TMEM132D: variants seen among roughly 807,000 people sequenced by gnomAD.
The protein encoded by TMEM132D is mature OL transmembrane protein.
TMEM132D carries 21 observed loss-of-function variants against 62.3 expected under a neutral mutation model. The ratio of observed to expected loss-of-function variants is 0.34; its 90% CI spans 0.24 to 0.49. TMEM132D has a LOEUF of 0.49. Ranked by LOEUF, TMEM132D falls within the 20% of genes least tolerant of loss-of-function variation. The pLI, the probability that TMEM132D is intolerant of heterozygous loss-of-function variation, is 0.99. For synonymous variants in TMEM132D, 621 were observed against 575.6 expected (o/e 1.08, Z -1.13); for missense variants, 1,346 against 1,402.8 (o/e 0.96, Z 0.65).
At chr12:129,538,383 CAT>C (rs1329515555) in intron 2 of TMEM132D, among the ~76,000 whole-genome samples, 1 of 152,076 alleles carries the variant, frequency 6.6e-6, no homozygotes, top group Non-Finnish European at 1.5e-5. Context: ...AGGCTTTATT[CAT>C]ATAGAGTATG....
intron 2 of TMEM132D, among the ~76,000 whole-genome samples, chr12:129,694,808 A>C (rs1156940515): frequency 6.6e-6 from 1 of 152,210 alleles, no homozygotes; most frequent in African/African-American, 2.4e-5. Flanking sequence ...GGAGATCGAG[A>C]CCATCCTGGC....
chr12:129,580,158 A>C (rs1164623576), intron 2 of TMEM132D, among the ~76,000 whole-genome samples: 11 of 152,184 alleles, frequency 7.2e-5, no homozygotes, highest in Admixed American at 6.5e-4. Context: ...CCAGTTAGTC[A>C]AGGTTGTCCC....
At chr12:129,769,651 A>G (rs944251265) in intron 1 of TMEM132D, among the ~76,000 whole-genome samples, 2 of 152,174 alleles carry the variant, frequency 1.3e-5, no homozygotes, top group African/African-American at 4.8e-5. Flanking sequence ...TCAGGAAAAG[A>G]GAGTCTTGGG....
At chr12:129,289,554 A>G (rs7311579) in intron 4 of TMEM132D, among the ~76,000 whole-genome samples, 3,063 of 148,824 alleles carry the variant, frequency 0.021, 50 homozygotes, top group Non-Finnish European at 0.032. Flanking sequence ...CAATAAAAAA[A>G]AAAAAAAAAA....
chr12:129,374,269 CAGAGAGAGAG>C (rs35178347), intron 3 of TMEM132D, among the ~76,000 whole-genome samples: 6 of 144,266 alleles, frequency 4.2e-5, no homozygotes, highest in East Asian at 2.1e-4. Context: ...CCTCACACAT[CAGAGAGAGAG>C]AGAGAGAGAG....
At chr12:129,624,018 GC>G (rs1292596147) in intron 2 of TMEM132D, among the ~76,000 whole-genome samples, 2 of 152,114 alleles carry the variant, frequency 1.3e-5, no homozygotes, top group Non-Finnish European at 2.9e-5. Context: ...ACAATGTCAT[GC>G]CTATAGGCCA....
rs1233791643 is a variant in TMEM132D at position 129,175,603 on chromosome 12, G to A, written c.1443+33917C>T. ...CATGCCTGTAATCCAAGCTACTTGG[G>A]AGGCTGACGCAAGAGAATCACTTGA... is the stretch of plus-strand genomic sequence containing the variant. On this transcript the variant is annotated intron_variant, in intron 5 of 8. Coordinates refer to ENST00000422113, the MANE Select transcript of TMEM132D (RefSeq NM_133448.3). Among the ~76,000 whole-genome samples the A allele has an allele frequency of 2.6e-5, 4 of 152,150 alleles. No individual in the cohort carries two copies. In the East Asian group the frequency reaches 7.7e-4, roughly 29 times the overall value.
At chr12:129,825,726 C>T (rs1872645857) in intron 1 of TMEM132D, among the ~76,000 whole-genome samples, 1 of 152,110 alleles carries the variant, frequency 6.6e-6, no homozygotes, top group South Asian at 2.1e-4. Flanking sequence ...CTGTGGCTGC[C>T]ATCCAGGCTG....
chr12:129,827,846 T>C lies in TMEM132D; in HGVS notation c.79+75415A>G, dbSNP rs1168991550. ...CTGAGAAAGCACAGCCATTAAAAAA[T>C]AAAATATGTATAAGCTGCCTGCTAC... On this transcript the variant is annotated intron_variant, in intron 1 of 8. Transcript: ENST00000422113. This position sits in a 1 kb window ranked among gnomAD's most constrained non-coding sequence, Gnocchi z 9.7. Among the ~76,000 whole-genome samples the C allele has an allele frequency of 1.3e-5, 2 of 152,136 alleles. No homozygotes were observed. Among genetic ancestry groups the C allele is most frequent in the African/African-American group, 4.8e-5 (2 of 41,440 alleles).
chr12:129,152,126 C>A (rs926773967), intron 5 of TMEM132D, among the ~76,000 whole-genome samples: 6 of 152,120 alleles, frequency 3.9e-5, no homozygotes, highest in African/African-American at 1.4e-4. Context: ...CTGATCTACC[C>A]CCGCCTTGGC....
At chr12:129,695,669 AT>A (rs1881187720) in intron 2 of TMEM132D, among the ~76,000 whole-genome samples, 1 of 152,220 alleles carries the variant, frequency 6.6e-6, no homozygotes, top group Non-Finnish European at 1.5e-5. Context: ...ATTTTACTTC[AT>A]GGAAGCTGCA....
At chr12:129,353,900 ATCT>A (rs1399532325) in intron 3 of TMEM132D, among the ~76,000 whole-genome samples, 2 of 151,990 alleles carry the variant, frequency 1.3e-5, no homozygotes, top group Non-Finnish European at 2.9e-5. Flanking sequence ...CGGAGGTCTA[ATCT>A]TCTCGCACGG....
chr12:129,638,925 G>A (rs1342030627), intron 2 of TMEM132D, among the ~76,000 whole-genome samples: 1 of 152,226 alleles, frequency 6.6e-6, no homozygotes, highest in South Asian at 2.1e-4. Context: ...CACAGCATAT[G>A]CAAAGTCGGG....
chr12:129,379,487 T>C (rs902482371), intron 3 of TMEM132D, among the ~76,000 whole-genome samples: 1 of 152,248 alleles, frequency 6.6e-6, no homozygotes, highest in Non-Finnish European at 1.5e-5. Flanking sequence ...CTGACACGTC[T>C]GTAGTGGTAA....
chr12:129,335,192 T>C (rs967017584), intron 4 of TMEM132D, among the ~76,000 whole-genome samples: 4 of 142,000 alleles, frequency 2.8e-5, no homozygotes, highest in African/African-American at 7.9e-5. Context: ...AGTGCTGTGG[T>C]ACGTTCTTGG....
At chr12:129,721,994 T>C (rs1452092886) in intron 1 of TMEM132D, among the ~76,000 whole-genome samples, 1 of 152,226 alleles carries the variant, frequency 6.6e-6, no homozygotes, top group African/African-American at 2.4e-5. Context: ...TCCTGCAGCA[T>C]GGAGTAAACT....
intron 2 of TMEM132D, among the ~76,000 whole-genome samples, chr12:129,671,316 A>G (rs1880495182): frequency 6.6e-6 from 1 of 152,190 alleles, no homozygotes; most frequent in Non-Finnish European, 1.5e-5. Flanking sequence ...CATCAGTTGT[A>G]AAACGGTAGT....
At chr12:129,248,405 T>C (rs1880179969) in intron 4 of TMEM132D, among the ~76,000 whole-genome samples, 1 of 152,196 alleles carries the variant, frequency 6.6e-6, no homozygotes, top group Non-Finnish European at 1.5e-5. Flanking sequence ...GTAACACTAA[T>C]GGATTAACTT....
chr12:129,116,955 G>A (rs983567745), intron 5 of TMEM132D, among the ~76,000 whole-genome samples: 5 of 133,336 alleles, frequency 3.7e-5, no homozygotes, highest in Non-Finnish European at 6.2e-5. Context: ...AAATCTGTAC[G>A]TGAATGTTTA....
Sources: allele counts gnomAD v4.1 joint callset (sites outside exome capture counted in the v4.1 genomes callset), GRCh38; gene constraint gnomAD v4.1.1; non-coding constraint Gnocchi (gnomAD v3.1); transcripts MANE v1.5; gene names NCBI Gene and HGNC (gene_info 2026-07-23, HGNC 2026-07-21).